Variants in PROSER1 observed in about 807,000 individuals in gnomAD.
PROSER1 encodes proline and serine rich 1.
A neutral mutation model predicts 71.8 loss-of-function variants in PROSER1; 36 were observed. That is an observed-to-expected ratio of 0.50 (90% CI 0.38 to 0.66). The LOEUF is 0.66. Among genes scored for constraint, PROSER1 ranks in the 30% least tolerant of loss-of-function variants. The pLI is 0.00. For synonymous variants in PROSER1, 490 were observed against 452.4 expected (o/e 1.08, Z -1.06); for missense variants, 1,107 against 1,135.0 (o/e 0.98, Z 0.35).
At position 39,012,715 on chromosome 13, in the gene PROSER1, T is replaced by C. The variant is rs1869724514; in HGVS notation, c.2537A>G (p.Asn846Ser). ...GFASAFSSNF[N>S]SALVAQAGLS... ...CCCGGCTTGTGCAACAAGAGCGGAGTTGAAATTGGAACTGAATGCTGAGGC... is the reference window on the plus strand; with the variant it reads ...CCCGGCTTGTGCAACAAGAGCGGAGCTGAAATTGGAACTGAATGCTGAGGC... The change falls in exon 11 of 13, where the codon AAC (asparagine) becomes AGC (serine). Residue 846 changes from asparagine (N) to serine (S), a missense_variant. Coordinates refer to ENST00000352251, the MANE Select transcript of PROSER1 (RefSeq NM_025138.5). 2 of 1,590,384 alleles carry C rather than the reference T, an allele frequency of 1.3e-6. No individual in the cohort carries two copies. Among genetic ancestry groups the C allele is most frequent in the Non-Finnish European group, 1.7e-6 (2 of 1,168,604 alleles).
rs771658902 is a variant in PROSER1 at position 39,014,043 on chromosome 13, G to A, written c.1209C>T (p.Phe403=). 15 of 1,614,080 alleles carry A rather than the reference G, an allele frequency of 9.3e-6. No homozygotes were observed. The highest frequency in any genetic ancestry group is 1.3e-5 in the Non-Finnish European group (15 of 1,180,050). ...SEAFASTSAP[F]TSLPFSTSSS... ...AGCTGGTGGAAAAGGGGAGGCTAGT[G>A]AAAGGTGCAGAAGTAGAAGCAAATG... Residue 403 remains phenylalanine (F), a synonymous_variant, in exon 11 of 13, where the codon TTC becomes TTT. Transcript: ENST00000352251.
At chr13:39,019,126 G>C (rs141133899) in intron 9 of PROSER1, among the ~76,000 whole-genome samples, 55 of 152,186 alleles carry the variant, frequency 3.6e-4, no homozygotes, top group African/African-American at 1.3e-3. Flanking sequence ...ACAGTAACAA[G>C]TCATGATCAA....
At chr13:39,024,072 C>T (rs1340198792) in intron 7 of PROSER1, 1 of 170,478 alleles carries the variant, frequency 5.9e-6, no homozygotes, top group African/African-American at 2.4e-5. Flanking sequence ...GTTGTCTTCT[C>T]CTGTCCTGTT....
rs771002346 is a variant in PROSER1 at position 39,014,283 on chromosome 13, G to T, written c.969C>A (p.Ala323=). ...GTATTGATGGCTGAGGTGTGTGAAC[G>T]GCTGAGGAGACCTGCCCTGGGAACA... ...LPVFPGQVSS[A]VHTPQPSIPN... Residue 323 remains alanine (A), a synonymous_variant, in exon 11 of 13, where the codon GCC becomes GCA. Coordinates refer to ENST00000352251, the MANE Select transcript of PROSER1 (RefSeq NM_025138.5). The T allele has an allele frequency of 1.5e-5, 24 of 1,614,118 alleles. No individual in the cohort carries two copies. The highest frequency in any genetic ancestry group is 1.9e-5 in the Non-Finnish European group (23 of 1,180,030).
intron 11 of PROSER1, 61 bp from the exon 12 acceptor site, chr13:39,012,294 A>G (rs1282652235): frequency 4.0e-5 from 61 of 1,508,006 alleles, no homozygotes; most frequent in Middle Eastern, 3.5e-4. Context: ...TACTGTTTCC[A>G]TATTTGTCAA....
chr13:39,013,498 G>T lies in PROSER1; in HGVS notation c.1754C>A (p.Pro585His). 1 of 1,614,050 alleles carries T rather than the reference G, an allele frequency of 6.2e-7. No homozygotes were observed. ...CGSSASLLRG[P>H]HPGTSDLHIS... is the part of the protein sequence containing the mutation. ...ATGCAGATCTGAGGTACCTGGGTGG[G>T]GGCCACGCAAAAGGGAGGCTGAGGA... The change falls in exon 11 of 13, where the codon CCC (proline) becomes CAC (histidine). Residue 585 changes from proline to histidine, a missense_variant. Pro to His is a moderately conservative substitution (Grantham distance 77, BLOSUM62 -2). Transcript: ENST00000352251.
intron 1 of PROSER1, among the ~76,000 whole-genome samples, chr13:39,035,359 G>A (rs938610724): frequency 6.6e-6 from 1 of 152,146 alleles, no homozygotes; most frequent in African/African-American, 2.4e-5. Flanking sequence ...AGGACAGCAT[G>A]GTGCTCTGCA....
chr13:39,023,507 G>T (rs372207908), intron 7 of PROSER1: 1 of 165,398 alleles, frequency 6.0e-6, no homozygotes, highest in East Asian at 1.7e-4. Flanking sequence ...CTCAAATTAC[G>T]CAAGAACTCC....
At chr13:39,035,929 A>G (rs1871080354) in intron 1 of PROSER1, among the ~76,000 whole-genome samples, 1 of 152,246 alleles carries the variant, frequency 6.6e-6, no homozygotes, top group African/African-American at 2.4e-5. Flanking sequence ...TACAGACTTA[A>G]GTTGCCATCT....
rs983879947 is a variant in PROSER1 at position 39,027,849 on chromosome 13, T to C, written c.369+378A>G. Among the ~76,000 whole-genome samples the C allele has an allele frequency of 2.0e-5, 3 of 152,218 alleles. No homozygotes were observed. The South Asian group carries it at 6.2e-4, about 31-fold the overall frequency. On this transcript the variant is annotated intron_variant, in intron 5 of 12. Coordinates refer to ENST00000352251, the MANE Select transcript of PROSER1 (RefSeq NM_025138.5). ...TTAACTAATAAACTGGCTTTAATAT[T>C]GACCTCTTATGAATCCGATTTAAAA...
At chr13:39,029,087 C>A (rs757102933) in intron 4 of PROSER1, 194 bp downstream of exon 4, 1 of 387,910 alleles carries the variant, frequency 2.6e-6, no homozygotes, top group Non-Finnish European at 4.5e-6. Context: ...TTGTTAAGCC[C>A]CTTCATTTTA....
intron 6 of PROSER1, among the ~76,000 whole-genome samples, 153 bp from the exon 7 acceptor site, chr13:39,024,709 G>C (rs974930631): frequency 6.6e-6 from 1 of 152,070 alleles, no homozygotes; most frequent in Non-Finnish European, 1.5e-5. Flanking sequence ...CTGGCTGGCG[G>C]CATGACCCTG....
rs138892103 is a variant in PROSER1 at position 39,012,133 on chromosome 13, A to C, written c.2662T>G (p.Leu888Val). 32 of 1,614,220 alleles carry C rather than the reference A, an allele frequency of 2.0e-5. No homozygotes were observed. The African/African-American group carries it at 3.9e-4, about 19-fold the overall frequency. ...GFPQNPSQSS[L>V]QELQHNAAAQ... The stretch of plus-strand genomic sequence containing the variant: ...GCCGCATTATGCTGTAATTCTTGCA[A>C]GGATGATTGTGAAGGATTCTGAGGA... Residue 888 changes from leucine (L) to valine (V), a missense_variant, in exon 12 of 13, where the codon TTG (leucine) becomes GTG (valine). Coordinates refer to ENST00000352251, the MANE Select transcript of PROSER1 (RefSeq NM_025138.5).
chr13:39,018,397 G>A (rs534342139), intron 9 of PROSER1, among the ~76,000 whole-genome samples: 4 of 151,806 alleles, frequency 2.6e-5, no homozygotes, highest in African/African-American at 4.8e-5. Context: ...AGGAATTCAC[G>A]AGCTTGACTG....
In PROSER1 at chr13:39,031,083, A is replaced by C. The variant is rs148613277; in HGVS notation, c.180+480T>G. Among the ~76,000 whole-genome samples the C allele has an allele frequency of 3.3e-4, 51 of 152,316 alleles. No individual in the cohort carries two copies. The East Asian group carries it at 8.5e-3, about 25-fold the overall frequency. ...GGTTCTAGAGCTGTGCTATCCATAT[A>C]GTAGCCACTAAGCACATGTACCTAC... is the stretch of plus-strand genomic sequence containing the variant. On this transcript the variant is annotated intron_variant, in intron 3 of 12. Transcript: ENST00000352251.
rs1870377415 is a variant in PROSER1 at position 39,023,137 on chromosome 13, C to G, written c.565-7G>C. On this transcript the variant is annotated splice_polypyrimidine_tract_variant and splice_region_variant and intron_variant, in intron 7 of 12. Coordinates refer to ENST00000352251, the MANE Select transcript of PROSER1 (RefSeq NM_025138.5). Reference sequence around the variant, plus strand: ...GATTATATGTTGAAGGAGGCTAAAACATGGGGGAAAATACAGCAGTTAGAA... The same window carrying G: ...GATTATATGTTGAAGGAGGCTAAAAGATGGGGGAAAATACAGCAGTTAGAA... 20 of 1,608,630 alleles carry G rather than the reference C, an allele frequency of 1.2e-5. No homozygotes were observed. In the East Asian group the frequency reaches 4.5e-4, roughly 36 times the overall value.
chr13:39,026,397 A>G lies in PROSER1; in HGVS notation c.370-10T>C. ...AGCCCCCCTTGAAAGCCTGTAATAT[A>G]AGAAAGAAGAGGGGTAGGAAAAAAA... On this transcript the variant is annotated splice_polypyrimidine_tract_variant and intron_variant, in intron 5 of 12. Coordinates refer to ENST00000352251, the MANE Select transcript of PROSER1 (RefSeq NM_025138.5). 6.3e-7 allele frequency: 1 copy of G among 1,578,586 alleles called. No homozygotes were observed. The highest frequency in any genetic ancestry group is 1.4e-5 in the African/African-American group (1 of 73,728).
chr13:39,037,064 T>C (rs983386010), intron 1 of PROSER1, 134 bp downstream of exon 1: 3 of 673,106 alleles, frequency 4.5e-6, no homozygotes, highest in Non-Finnish European at 8.0e-6. Context: ...AACTCCTCCA[T>C]TACACGTGAA....
At chr13:39,032,712 T>C (rs192640671) in intron 2 of PROSER1, among the ~76,000 whole-genome samples, 44 of 152,270 alleles carry the variant, frequency 2.9e-4, no homozygotes, top group Admixed American at 1.2e-3. Flanking sequence ...ATAAATGCTA[T>C]ATTTTAACCA....
Sources: allele counts gnomAD v4.1 joint callset (sites outside exome capture counted in the v4.1 genomes callset), GRCh38; gene constraint gnomAD v4.1.1; transcripts MANE v1.5; gene names NCBI Gene and HGNC (gene_info 2026-07-23, HGNC 2026-07-21).